COL16A1: variants seen among roughly 807,000 people sequenced by gnomAD.
COL16A1 encodes the protein collagen type XVI alpha 1 chain, also known as collagen alpha-1(XVI) chain.
Under a neutral mutation model 266.3 loss-of-function variants are expected in COL16A1, and 189 were observed. The observed-to-expected ratio is 0.71, with a 90% confidence interval of 0.63 to 0.80. The LOEUF (loss-of-function observed/expected upper bound fraction) is 0.80. Ranked by LOEUF, COL16A1 falls within the 30% of genes least tolerant of loss-of-function variation. COL16A1 has a pLI of 0.00. For missense variants in COL16A1, 1,928 were observed against 2,122.4 expected (o/e 0.91, Z 1.80); for synonymous variants, 740 against 782.3 (o/e 0.95, Z 0.90).
rs1239884700 is a variant in COL16A1 at position 31,690,028 on chromosome 1, C to G, written c.1510-177G>C. 14 of 629,074 alleles carry G rather than the reference C, an allele frequency of 2.2e-5. No individual in the cohort carries two copies. In the Admixed American group the frequency reaches 2.9e-4, roughly 13 times the overall value. The allele number at this position is 629,074 out of a possible 1,614,324, so 39.0% of individuals were successfully genotyped here. A position where few individuals can be genotyped will look rare whatever the true frequency, so the allele number is the denominator to read the frequency against. On this transcript the variant is annotated intron_variant, in intron 22 of 70. Transcript: ENST00000373672. ...CCTGTTCAACTGACTCATTCATTCA[C>G]CACAAGATTCCAGGGTGGCGCAAAA...
chr1:31,672,279 G>T, intron 47 of COL16A1, 137 bp downstream of exon 47: 1 of 923,154 alleles, frequency 1.1e-6, no homozygotes. Context: ...TCCCAGAGAA[G>T]CCACGTGCCA....
At chr1:31,702,376 C>A in intron 1 of COL16A1, 149 bp from the exon 2 acceptor site, 1 of 735,606 alleles carries the variant, frequency 1.4e-6, no homozygotes, top group Non-Finnish European at 2.3e-6. Flanking sequence ...CTCAGAGGCC[C>A]AACCACAGCC....
At chr1:31,699,067 C>T (rs572589910) in intron 4 of COL16A1, among the ~76,000 whole-genome samples, 6 of 152,168 alleles carry the variant, frequency 3.9e-5, no homozygotes, top group Non-Finnish European at 8.8e-5. Flanking sequence ...TGCACTCCAG[C>T]CTGGGCAACA....
At position 31,689,073 on chromosome 1, in the gene COL16A1, T is replaced by G; in HGVS notation, c.1633A>C (p.Ile545Leu). ...ACCTTCTCTCCTTTGATGCCTTGGATGCCAGGGTCTCCCTGCAGGGTAAAA... is the reference window on the plus strand; with the variant it reads ...ACCTTCTCTCCTTTGATGCCTTGGAGGCCAGGGTCTCCCTGCAGGGTAAAA... ...DPVPARGDPG[I>L]QGIKGEKGEP... The change falls in exon 24 of 71, where the codon ATC becomes CTC. Residue 545 changes from isoleucine (I) to leucine (L), a missense_variant. Around this residue, in one of 2 missense-constraint regions of COL16A1, gnomAD observed 1,552 missense variants for 1,637.2 expected, o/e 0.95. Coordinates refer to ENST00000373672, the MANE Select transcript of COL16A1 (RefSeq NM_001856.4). The G allele has an allele frequency of 1.9e-6, 3 of 1,613,854 alleles. No homozygotes were observed. The highest frequency in any genetic ancestry group is 2.5e-6 in the Non-Finnish European group (3 of 1,180,002).
chr1:31,668,153 C>T lies in COL16A1; in HGVS notation c.3303+12G>A. 1 of 1,607,898 alleles carries T rather than the reference C, an allele frequency of 6.2e-7. No individual in the cohort carries two copies. On this transcript the variant is annotated intron_variant, in intron 51 of 70. Coordinates refer to ENST00000373672, the MANE Select transcript of COL16A1 (RefSeq NM_001856.4). The surrounding 1 kb of genome is among the most constrained non-coding windows in gnomAD (Gnocchi z 5.8). ...CTGGCACCCACTCCCCAGCAAGGGT[C>T]CCCTTACTCACAGGCAGTCCTGGGG...
At chr1:31,689,367 AG>A in intron 23 of COL16A1, 1 of 591,204 alleles carries the variant, frequency 1.7e-6, no homozygotes. Context: ...CTCCTGAAAG[AG>A]GGGGTCTGTG....
intron 2 of COL16A1, 41 bp from the exon 3 acceptor site, chr1:31,700,156 C>T (rs903991176): frequency 1.9e-6 from 3 of 1,602,776 alleles, no homozygotes; most frequent in Non-Finnish European, 2.6e-6. Flanking sequence ...TGCGCTCAGG[C>T]CAAGGTTGCT....
rs181723844 is a variant in COL16A1, at chr1:31,699,948, G to A, written c.149-18C>T. ...GTTGAAGCCTTTGGGGGAGACATCA[G>A]GTGAAGAGCTCAGCTGAGCAGGTGG... On this transcript the variant is annotated intron_variant, in intron 3 of 70. Transcript: ENST00000373672. 2.5e-6 allele frequency: 4 copies of A among 1,604,560 alleles called. No homozygotes were observed. The highest frequency in any genetic ancestry group is 1.7e-5 in the Admixed American group (1 of 60,024).
chr1:31,661,383 AACCTGCTTGGCAGAGGTC>A lies in COL16A1; in HGVS notation c.3771+13_3771+30del, dbSNP rs760899614. The A allele has an allele frequency of 8.1e-6, 13 of 1,613,918 alleles. No homozygotes were observed. The highest frequency in any genetic ancestry group is 1.1e-5 in the Non-Finnish European group (13 of 1,180,002). On this transcript the variant is annotated intron_variant, in intron 60 of 70. Coordinates refer to ENST00000373672, the MANE Select transcript of COL16A1 (RefSeq NM_001856.4). The stretch of plus-strand genomic sequence containing the variant: ...GGCAAGCCTTCAGGAGAGCAGAGAT[AACCTGCTTGGCAGAGGTC>A]ACCAGCCCTTACCTTAGGTCCTGGG...
rs1644348727 is a variant in COL16A1, at chr1:31,693,121, G to A, written c.1042C>T (p.Pro348Ser). ...GCTCCCTTCTCTCCCTTGGAGCCTG[G>A]TGGACCAGGCAGGCCCCGCTCACCT... is the stretch of plus-strand genomic sequence containing the variant. Reference protein sequence around the residue: ...GKGERGLPGPPGSKGEKGARG... With the variant: ...GKGERGLPGPSGSKGEKGARG... Residue 348 changes from proline (P) to serine (S), a missense_variant, in exon 13 of 71, where the codon CCA becomes TCA. Pro to Ser is a moderately conservative substitution (Grantham distance 74). Around this residue, in one of 2 missense-constraint regions of COL16A1, gnomAD observed 1,552 missense variants for 1,637.2 expected, o/e 0.95. Transcript: ENST00000373672. 6.2e-7 allele frequency: 1 copy of A among 1,612,388 alleles called. No individual in the cohort carries two copies. The highest frequency in any genetic ancestry group is 8.5e-7 in the Non-Finnish European group (1 of 1,178,616).
At chr1:31,667,364 C>A (rs1455843306) in intron 52 of COL16A1, among the ~76,000 whole-genome samples, 1 of 152,198 alleles carries the variant, frequency 6.6e-6, no homozygotes, top group Non-Finnish European at 1.5e-5. Context: ...GCTTCTGCGG[C>A]TGCCTCCTGG....
Position 31,684,116 on chromosome 1 carries a change from C to T in COL16A1, c.2276G>A (p.Gly759Asp). The T allele has an allele frequency of 6.3e-7, 1 of 1,581,154 alleles. No individual in the cohort carries two copies. Among genetic ancestry groups the T allele is most frequent in the Non-Finnish European group, 8.6e-7 (1 of 1,162,618 alleles). The change falls in exon 32 of 71, where the codon GGT becomes GAT. Residue 759 changes from glycine (G) to aspartate (D), a missense_variant. Transcript: ENST00000373672. ...GGAGGGCAGGCAACTCACGGGTTTA[C>T]CAGGTCGGCCCACGCCTTCGGGGCC... ...EQGPEGVGRP[G>D]KPGQPGLPGV...
In COL16A1 at chr1:31,665,892, T is replaced by C; in HGVS notation, c.3446A>G (p.Lys1149Arg). 1 of 1,614,070 alleles carries C rather than the reference T, an allele frequency of 6.2e-7. No individual in the cohort carries two copies. Among genetic ancestry groups the C allele is most frequent in the Non-Finnish European group, 8.5e-7 (1 of 1,179,980 alleles). Reference sequence around the variant, plus strand: ...CCAGTCGTCACTCACCTGGTCGCCCTTCTCACCGGAGTTACCTTGGGGTCC... The same window carrying C: ...CCAGTCGTCACTCACCTGGTCGCCCCTCTCACCGGAGTTACCTTGGGGTCC... Reference protein sequence around the residue: ...ERGPQGNSGEKGDQGFQGQPG... With the variant: ...ERGPQGNSGERGDQGFQGQPG... The change falls in exon 54 of 71, where the codon AAG becomes AGG. Residue 1149 changes from lysine to arginine, a missense_variant. By Grantham distance (26) the Lys-to-Arg change is conservative. Transcript: ENST00000373672.
intron 52 of COL16A1, 75 bp from the exon 53 acceptor site, chr1:31,666,156 G>A: frequency 1.4e-6 from 2 of 1,473,278 alleles, no homozygotes; most frequent in Non-Finnish European, 9.3e-7. Context: ...TGTGACAGGG[G>A]ACTGCCCAGA....
intron 20 of COL16A1, among the ~76,000 whole-genome samples, chr1:31,690,849 C>G (rs1399756601): frequency 6.6e-6 from 1 of 152,208 alleles, no homozygotes; most frequent in East Asian, 1.9e-4. Context: ...CAGTCACAGA[C>G]AGAAATTTCC....
chr1:31,700,840 G>A (rs750784661), intron 2 of COL16A1, among the ~76,000 whole-genome samples: 1 of 152,220 alleles, frequency 6.6e-6, no homozygotes, highest in African/African-American at 2.4e-5. Context: ...CCAGGGCCTT[G>A]GAGCTCCAGG....
intron 62 of COL16A1, among the ~76,000 whole-genome samples, chr1:31,659,189 G>A (rs1641432117): frequency 6.6e-6 from 1 of 152,238 alleles, no homozygotes; most frequent in African/African-American, 2.4e-5. Context: ...CCCAGGCTGA[G>A]TGGAGCATCT....
In COL16A1 at chr1:31,679,800, AC is replaced by A; in HGVS notation, c.2718+3del. The A allele has an allele frequency of 6.4e-7, 1 of 1,567,108 alleles. No homozygotes were observed. The highest frequency in any genetic ancestry group is 8.6e-7 in the Non-Finnish European group (1 of 1,157,802). ...TGGCGGACAAGAGGAGACAAGCGACACACCTGCGGGCCCGGCTGCCAGGAGC... is the reference window on the plus strand; with the variant it reads ...TGGCGGACAAGAGGAGACAAGCGACAACCTGCGGGCCCGGCTGCCAGGAGC... On this transcript the variant is annotated splice_donor_region_variant and intron_variant, in intron 41 of 70. Transcript: ENST00000373672.
At chr1:31,678,364 GA>G (rs1643358348) in intron 42 of COL16A1, among the ~76,000 whole-genome samples, 1 of 152,180 alleles carries the variant, frequency 6.6e-6, no homozygotes, top group South Asian at 2.1e-4. Flanking sequence ...AGAACCTCTG[GA>G]AAACGTGGCT....
Sources: gnomAD v4.1 joint callset for allele counts (sites outside exome capture counted in the v4.1 genomes callset) on GRCh38, gnomAD v4.1.1 for gene constraint, gnomAD v4.1.1 regional missense constraint, Gnocchi (gnomAD v3.1) non-coding constraint, MANE v1.5 for transcripts, NCBI Gene and HGNC (gene_info 2026-07-23, HGNC 2026-07-21) for gene names.